HTATSF1: variants seen among roughly 807,000 people sequenced by gnomAD.
The protein encoded by HTATSF1 is 17S U2 SnRNP complex component HTATSF1.
A neutral mutation model predicts 46.1 loss-of-function variants in HTATSF1; 6 were observed. The observed-to-expected ratio is 0.13, with a 90% CI of 0.07 to 0.26. HTATSF1 has a LOEUF of 0.26. HTATSF1 is among the 10% of genes least tolerant of loss of function. HTATSF1 has a pLI of 1.00. For synonymous variants in HTATSF1, 226 were observed against 211.5 expected, an observed-to-expected ratio of 1.07 and a Z score of -0.60; for missense variants, 452 against 559.9, an observed-to-expected ratio of 0.81 and a Z score of 1.94.
At chrX:136,509,587 A>G (rs192316152) in intron 7 of HTATSF1, among the ~76,000 whole-genome samples, 3 of 112,157 alleles carry the variant, frequency 2.7e-5, no homozygotes, top group Non-Finnish European at 5.6e-5. Flanking sequence ...TTGACACCCA[A>G]TAATTAAGAG....
At chrX:136,497,957 C>A (rs2075700223) in intron 1 of HTATSF1, 87 bp downstream of exon 1, 1 of 666,825 alleles carries the variant, frequency 1.5e-6, no homozygotes, top group South Asian at 3.9e-5. Context: ...TTGCTGAGAT[C>A]CTTGGTCCTT....
Position 136,497,638 on chromosome X carries a change from C to T in HTATSF1, c.-47C>T, listed in dbSNP as rs1475515194. On this transcript the variant is annotated 5_prime_UTR_variant, in exon 1 of 9. Coordinates refer to ENST00000218364, the MANE Select transcript of HTATSF1 (RefSeq NM_014500.5). The stretch of plus-strand genomic sequence containing the variant: ...TCTCTGCTCAGCTCCAGCGTCATTT[C>T]GGCCTCTTAGTTCTTCTGAACCCTG... The T allele has an allele frequency of 4.7e-6, 5 of 1,074,029 alleles. No homozygotes were observed. The African/African-American group carries it at 5.5e-5, about 12-fold the overall frequency. The allele number at this position is 1,074,029 out of a possible 1,213,427, so 88.5% of individuals were successfully genotyped here.
chrX:136,503,619 A>G (rs2075729123), intron 5 of HTATSF1, among the ~76,000 whole-genome samples: 1 of 111,735 alleles, frequency 8.9e-6, no homozygotes, highest in Non-Finnish European at 1.9e-5. Flanking sequence ...TATGATTGTA[A>G]CAGAGTTGAG....
At position 136,512,242 on chromosome X, in the gene HTATSF1, T is replaced by C; in HGVS notation, c.*229T>C. ...CAAGTAAACTGGATACTTGTTCTTT[T>C]GTCAGATTTGTTAAATGCATGCAGA... On this transcript the variant is annotated 3_prime_UTR_variant, in exon 9 of 9. Transcript: ENST00000218364. 6.7e-6 allele frequency: 2 copies of C among 296,616 alleles called. No individual in the cohort carries two copies. The highest frequency in any genetic ancestry group is 1.2e-5 in the Non-Finnish European group (2 of 170,493). The allele number at this position is 296,616 out of a possible 1,213,427, so 24.4% of individuals were successfully genotyped here.
chrX:136,511,342 G>T lies in HTATSF1; in HGVS notation c.1597G>T (p.Val533Phe). 8.3e-7 allele frequency: 1 copy of T among 1,208,300 alleles called. No homozygotes were observed. The highest frequency in any genetic ancestry group is 1.1e-6 in the Non-Finnish European group (1 of 894,421). The change falls in exon 9 of 9, where the codon GTT becomes TTT. Residue 533 changes from valine (V) to phenylalanine (F), a missense_variant. Physicochemically the swap from Val to Phe is conservative, Grantham distance 50 (BLOSUM62 -1). Coordinates refer to ENST00000218364, the MANE Select transcript of HTATSF1 (RefSeq NM_014500.5). Reference protein sequence around the residue: ...DDLNKESEEEVGPTKESEEDD... With the variant: ...DDLNKESEEEFGPTKESEEDD... ...CCTCAACAAGGAGTCTGAAGAGGAG[G>T]TTGGCCCCACAAAAGAGTCCGAAGA...
chrX:136,509,783 A>G (rs1293900352), intron 7 of HTATSF1, among the ~76,000 whole-genome samples: 1 of 112,283 alleles, frequency 8.9e-6, no homozygotes, highest in Non-Finnish European at 1.9e-5. Flanking sequence ...ATCCCAGGGC[A>G]ATATGACTTC....
At chrX:136,503,085 T>C (rs2075726704) in intron 5 of HTATSF1, 144 bp downstream of exon 5, 2 of 330,691 alleles carry the variant, frequency 6.0e-6, no homozygotes, top group East Asian at 1.0e-4. Flanking sequence ...TTTAGCAATC[T>C]ATACAATAGG....
intron 4 of HTATSF1, among the ~76,000 whole-genome samples, chrX:136,502,540 G>T (rs2075723100): frequency 1.8e-5 from 2 of 111,185 alleles, no homozygotes; most frequent in Admixed American, 1.9e-4. Flanking sequence ...GGCTCAGGAA[G>T]CTTGAATAAT....
chrX:136,510,240 A>T, intron 8 of HTATSF1, 21 bp downstream of exon 8: 1 of 1,202,063 alleles, frequency 8.3e-7, no homozygotes, highest in Non-Finnish European at 1.1e-6. Context: ...CTGCTTGTCA[A>T]GGGCACACAC....
Position 136,511,959 on chromosome X carries a change from A to G in HTATSF1, c.2214A>G (p.Leu738=), listed in dbSNP as rs1468013746. ...GGFGSVEEGP[L]STGSSFILSS... ...TTGGGAGTGTTGAAGAAGGGCCCCT[A>G]TCCACTGGCAGCAGCTTTATTCTCA... is the stretch of plus-strand genomic sequence containing the variant. The change falls in exon 9 of 9, where the codon CTA becomes CTG. Residue 738 remains leucine, a synonymous_variant. Coordinates refer to ENST00000218364, the MANE Select transcript of HTATSF1 (RefSeq NM_014500.5). The G allele has an allele frequency of 8.3e-7, 1 of 1,208,850 alleles. No homozygotes were observed. The highest frequency in any genetic ancestry group is 1.1e-6 in the Non-Finnish European group (1 of 894,709).
chrX:136,507,881 C>T (rs1358133438), intron 6 of HTATSF1, among the ~76,000 whole-genome samples: 2 of 109,633 alleles, frequency 1.8e-5, no homozygotes, highest in Non-Finnish European at 3.8e-5. Flanking sequence ...GGAGCTAACC[C>T]CACACACACA....
intron 6 of HTATSF1, among the ~76,000 whole-genome samples, chrX:136,505,389 A>G (rs951427703): frequency 9.0e-6 from 1 of 111,658 alleles, no homozygotes; most frequent in African/African-American, 3.3e-5. Context: ...GTGTTGTGAT[A>G]AGGTTTACTG....
Position 136,497,609 on chromosome X carries a change from C to T in HTATSF1, c.-76C>T. The stretch of plus-strand genomic sequence containing the variant: ...GCGCGAGCAGAGCGCGGTTGACCTC[C>T]CTTTCTCTGCTCAGCTCCAGCGTCA... On this transcript the variant is annotated 5_prime_UTR_variant, in exon 1 of 9. Transcript: ENST00000218364. The T allele has an allele frequency of 4.3e-6, 4 of 931,054 alleles. No individual in the cohort carries two copies. In the South Asian group the frequency reaches 1.2e-4, roughly 29 times the overall value. The allele number at this position is 931,054 out of a possible 1,213,427, so 76.7% of individuals were successfully genotyped here. A position where few individuals can be genotyped will look rare whatever the true frequency, so the allele number is the denominator to read the frequency against.
intron 1 of HTATSF1, 24 bp downstream of exon 1, chrX:136,497,894 C>G (rs760409441): frequency 9.0e-7 from 1 of 1,105,227 alleles, no homozygotes; most frequent in Non-Finnish European, 1.2e-6. Context: ...ACGGGCGCCA[C>G]TGCAGAGCGG....
chrX:136,497,779 C>G lies in HTATSF1; in HGVS notation c.95C>G (p.Thr32Ser). Residue 32 changes from threonine (T) to serine (S), a missense_variant, in exon 1 of 9, where the codon ACC becomes AGC. This residue lies in a region of HTATSF1 where 89 missense variants were observed against 92.3 expected (regional missense o/e 0.96). Transcript: ENST00000218364. ...YGDGKDGDTQ[T>S]DAGGEPDSLG... ...GACGGCAAGGATGGTGACACCCAGACCGATGCCGGCGGAGAACCCGATTCT... is the reference window on the plus strand; with the variant it reads ...GACGGCAAGGATGGTGACACCCAGAGCGATGCCGGCGGAGAACCCGATTCT... 8.3e-7 allele frequency: 1 copy of G among 1,204,609 alleles called. No homozygotes were observed.
At chrX:136,502,416 G>C (rs914948481) in intron 4 of HTATSF1, among the ~76,000 whole-genome samples, 8 of 111,529 alleles carry the variant, frequency 7.2e-5, no homozygotes, top group Admixed American at 6.7e-4. Context: ...AATATTTATT[G>C]AACACCTACC....
chrX:136,511,492 C>T lies in HTATSF1; in HGVS notation c.1747C>T (p.Leu583Phe). 8.3e-7 allele frequency: 1 copy of T among 1,208,293 alleles called. No homozygotes were observed. The highest frequency in any genetic ancestry group is 1.1e-6 in the Non-Finnish European group (1 of 894,431). ...DLDEEGSEKE[L>F]HENVLDKELE... ...GGACGAGGAAGGTTCTGAAAAGGAGCTTCATGAAAATGTTCTTGACAAAGA... is the reference window on the plus strand; with the variant it reads ...GGACGAGGAAGGTTCTGAAAAGGAGTTTCATGAAAATGTTCTTGACAAAGA... Residue 583 changes from leucine (L) to phenylalanine (F), a missense_variant, in exon 9 of 9, where the codon CTT becomes TTT. Physicochemically the swap from Leu to Phe is conservative, Grantham distance 22. Around this residue, in one of 3 missense-constraint regions of HTATSF1, gnomAD observed 246 missense variants for 245.3 expected, o/e 1.00. Coordinates refer to ENST00000218364, the MANE Select transcript of HTATSF1 (RefSeq NM_014500.5).
At position 136,511,931 on chromosome X, in the gene HTATSF1, G is replaced by T; in HGVS notation, c.2186G>T (p.Gly729Val). The T allele has an allele frequency of 8.3e-7, 1 of 1,211,623 alleles. No individual in the cohort carries two copies. Among genetic ancestry groups the T allele is most frequent in the Non-Finnish European group, 1.1e-6 (1 of 895,381 alleles). ...DDSDERGTLG[G>V]FGSVEEGPLS... ...TCTGATGAGAGGGGGACTTTGGGTG[G>T]TTTTGGGAGTGTTGAAGAAGGGCCC... Residue 729 changes from glycine (G) to valine (V), a missense_variant, in exon 9 of 9, where the codon GGT (glycine) becomes GTT (valine). Transcript: ENST00000218364.
chrX:136,501,673 C>T (rs1204415890), intron 4 of HTATSF1, among the ~76,000 whole-genome samples: 1 of 112,088 alleles, frequency 8.9e-6, no homozygotes, highest in Non-Finnish European at 1.9e-5. Context: ...AGCAAAAGTA[C>T]AAACACCACA....
Sources: allele counts gnomAD v4.1 joint callset (sites outside exome capture counted in the v4.1 genomes callset), GRCh38; gene constraint gnomAD v4.1.1; regional missense constraint gnomAD v4.1.1; transcripts MANE v1.5; gene names NCBI Gene and HGNC (gene_info 2026-07-23, HGNC 2026-07-21).